GDPD1: variants seen among roughly 807,000 people sequenced by gnomAD.
The protein encoded by GDPD1 is lysophospholipase D GDPD1.
GDPD1 carries 28 observed loss-of-function variants against 45.1 expected under a neutral mutation model. The observed-to-expected ratio is 0.62, with a 90% CI of 0.46 to 0.85. The LOEUF (loss-of-function observed/expected upper bound fraction) is 0.85. Among genes scored for constraint, GDPD1 ranks in the 40% least tolerant of loss-of-function variants. The pLI is 0.00. For missense variants in GDPD1, 256 were observed against 364.8 expected, an observed-to-expected ratio of 0.70 and a Z score of 2.43; for synonymous variants, 139 against 131.4, an observed-to-expected ratio of 1.06 and a Z score of -0.40.
intron 1 of GDPD1, among the ~76,000 whole-genome samples, chr17:59,222,337 G>T (rs964380996): frequency 2.6e-4 from 40 of 151,604 alleles, no homozygotes; most frequent in African/African-American, 9.2e-4. Flanking sequence ...CTCCCGAGTA[G>T]CTGGGACTAC....
intron 1 of GDPD1, among the ~76,000 whole-genome samples, chr17:59,226,305 C>G (rs2047046968): frequency 6.6e-6 from 1 of 151,920 alleles, no homozygotes; most frequent in African/African-American, 2.4e-5. Flanking sequence ...GGCCAACTAG[C>G]CTCATCCAGT....
chr17:59,270,318 T>C (rs929166564), intron 7 of GDPD1, among the ~76,000 whole-genome samples: 1 of 151,724 alleles, frequency 6.6e-6, no homozygotes, highest in Non-Finnish European at 1.5e-5. Flanking sequence ...CTCCGGCTCC[T>C]GAGTAGCTGT....
At chr17:59,270,890 T>C (rs749914537) in intron 7 of GDPD1, 46 bp from the exon 8 acceptor site, 2 of 1,190,008 alleles carry the variant, frequency 1.7e-6, no homozygotes, top group South Asian at 1.3e-5. Context: ...CACACTGATA[T>C]ATTTCTGTGT....
At position 59,275,277 on chromosome 17, in the gene GDPD1, A is replaced by G. The variant is rs553255596; in HGVS notation, c.*1504A>G. On this transcript the variant is annotated 3_prime_UTR_variant, in exon 10 of 10. Coordinates refer to ENST00000284116, the MANE Select transcript of GDPD1 (RefSeq NM_182569.4). ...GATGTGTAGTTATTTGGCAAGTTAT[A>G]CATAATCAGCAGCAGCCAGGCTCAA... 122 of 1,175,324 alleles carry G rather than the reference A, an allele frequency of 1.0e-4. No individual in the cohort carries two copies. The highest frequency in any genetic ancestry group is 2.2e-4 in the Middle Eastern group (1 of 4,626). The allele number at this position is 1,175,324 out of a possible 1,614,324, so 72.8% of individuals were successfully genotyped here. A position where few individuals can be genotyped will look rare whatever the true frequency, so the allele number is the denominator to read the frequency against.
chr17:59,251,765 G>A (rs1474479231), intron 4 of GDPD1, among the ~76,000 whole-genome samples: 5 of 151,794 alleles, frequency 3.3e-5, no homozygotes, highest in African/African-American at 1.2e-4. Flanking sequence ...CAGCACTTTG[G>A]GAGGCTAAGG....
At position 59,245,550 on chromosome 17, in the gene GDPD1, G is replaced by A; in HGVS notation, c.321+1G>A. Reference sequence around the variant, plus strand: ...AAACATCTCTGATCTCAAATACTGTGTAAGTAAAAATGCATGATAAACTAA... The same window carrying A: ...AAACATCTCTGATCTCAAATACTGTATAAGTAAAAATGCATGATAAACTAA... On this transcript the variant is annotated splice_donor_variant, in intron 3 of 9. Coordinates refer to ENST00000284116, the MANE Select transcript of GDPD1 (RefSeq NM_182569.4). LOFTEE classifies it high-confidence loss of function. 1 of 1,598,252 alleles carries A rather than the reference G, an allele frequency of 6.3e-7. No individual in the cohort carries two copies. Among genetic ancestry groups the A allele is most frequent in the Non-Finnish European group, 8.5e-7 (1 of 1,173,254 alleles).
At chr17:59,246,146 A>G (rs1263986369) in intron 3 of GDPD1, among the ~76,000 whole-genome samples, 2 of 152,026 alleles carry the variant, frequency 1.3e-5, no homozygotes, top group African/African-American at 4.8e-5. Flanking sequence ...TATAACGTAT[A>G]TATTCATTAT....
At position 59,245,541 on chromosome 17, in the gene GDPD1, A is replaced by T; in HGVS notation, c.313A>T (p.Lys105Ter). The part of the protein sequence containing the change: ...TGVNVNISDL[K>*]YCELPPYLGK... ...GGTCAATGTAAACATCTCTGATCTC[A>T]AATACTGTGTAAGTAAAAATGCATG... The change falls in exon 3 of 10, where the codon AAA becomes TAA. Residue 105 changes from lysine to a stop codon, truncating the protein, a stop_gained. Coordinates refer to ENST00000284116, the MANE Select transcript of GDPD1 (RefSeq NM_182569.4). LOFTEE classifies it high-confidence loss of function. The T allele has an allele frequency of 6.2e-7, 1 of 1,604,640 alleles. No individual in the cohort carries two copies. The highest frequency in any genetic ancestry group is 8.5e-7 in the Non-Finnish European group (1 of 1,174,978).
At chr17:59,231,778 G>A (rs1379610283) in intron 1 of GDPD1, among the ~76,000 whole-genome samples, 1 of 151,810 alleles carries the variant, frequency 6.6e-6, no homozygotes, top group African/African-American at 2.4e-5. Context: ...GATGGTTCAG[G>A]GTACACAAAC....
rs1321111377 is a variant in GDPD1, at chr17:59,230,153, A to G, written c.143-4339A>G. Among the ~76,000 whole-genome samples the G allele has an allele frequency of 2.6e-5, 4 of 152,188 alleles. No individual in the cohort carries two copies. In the East Asian group the frequency reaches 7.7e-4, roughly 29 times the overall value. ...CTGGTGTAAGTGTGAAATACCTTAC[A>G]GAGGATATGGTATTAGAATGACCAC... On this transcript the variant is annotated intron_variant, in intron 1 of 9. Transcript: ENST00000284116.
chr17:59,260,842 C>G (rs1181164497), intron 6 of GDPD1: 1 of 152,130 alleles, frequency 6.6e-6, no homozygotes, highest in East Asian at 1.9e-4. Flanking sequence ...TTTGACTAGT[C>G]TTAAAAAACA....
chr17:59,226,357 C>T (rs2047047397), intron 1 of GDPD1, among the ~76,000 whole-genome samples: 1 of 151,818 alleles, frequency 6.6e-6, no homozygotes, highest in African/African-American at 2.4e-5. Flanking sequence ...AAAAAAAAAA[C>T]CTATACCCTT....
At chr17:59,251,253 T>G (rs1043124424) in intron 4 of GDPD1, among the ~76,000 whole-genome samples, 1 of 152,040 alleles carries the variant, frequency 6.6e-6, no homozygotes, top group Non-Finnish European at 1.5e-5. Flanking sequence ...GTGCAGTGGC[T>G]CACGCCTGTA....
At chr17:59,246,709 C>CA (rs749077536) in intron 3 of GDPD1, among the ~76,000 whole-genome samples, 674 of 27,042 alleles carry the variant, frequency 0.025, 49 homozygotes, top group African/African-American at 0.03. Context: ...GACTCCATCT[C>CA]AAAAAAAAAA....
chr17:59,263,616 TTAC>T (rs2047376495), intron 6 of GDPD1, among the ~76,000 whole-genome samples: 1 of 151,492 alleles, frequency 6.6e-6, no homozygotes, highest in African/African-American at 2.4e-5. Context: ...GTAGCTGGGA[TTAC>T]AGGCATGCAC....
At chr17:59,233,511 CAA>C (rs35485066) in intron 1 of GDPD1, among the ~76,000 whole-genome samples, 6 of 91,036 alleles carry the variant, frequency 6.6e-5, no homozygotes, top group Admixed American at 1.3e-4. Flanking sequence ...GACTCCGTCT[CAA>C]AAAAAAAAAA....
At chr17:59,261,786 A>G (rs1397843371) in intron 6 of GDPD1, among the ~76,000 whole-genome samples, 1 of 151,742 alleles carries the variant, frequency 6.6e-6, no homozygotes, top group Non-Finnish European at 1.5e-5. Context: ...GGTATGTACC[A>G]CCATGCCTGG....
Position 59,243,272 on chromosome 17 carries a change from G to A in GDPD1, c.186-2142G>A, listed in dbSNP as rs543021929. ...TGTAATCCCAGCATTTTGGGAGGCCGAAGAGGGTGGATCACCTGAGGTCAG... is the reference window on the plus strand; with the variant it reads ...TGTAATCCCAGCATTTTGGGAGGCCAAAGAGGGTGGATCACCTGAGGTCAG... On this transcript the variant is annotated intron_variant, in intron 2 of 9. Coordinates refer to ENST00000284116, the MANE Select transcript of GDPD1 (RefSeq NM_182569.4). Among the ~76,000 whole-genome samples, 377 of 150,882 alleles carry A rather than the reference G, an allele frequency of 2.5e-3. 2 individuals carry two copies. Among genetic ancestry groups the A allele is most frequent in the Non-Finnish European group, 4.6e-3 (309 of 67,748 alleles).
chr17:59,248,380 A>T (rs868190420), intron 3 of GDPD1, among the ~76,000 whole-genome samples: 2 of 152,078 alleles, frequency 1.3e-5, no homozygotes, highest in Non-Finnish European at 1.5e-5. Flanking sequence ...TGCTAATTAA[A>T]TTTTAATTAA....
Sources: gnomAD v4.1 joint callset for allele counts (sites outside exome capture counted in the v4.1 genomes callset) on GRCh38, gnomAD v4.1.1 for gene constraint, MANE v1.5 for transcripts, NCBI Gene and HGNC (gene_info 2026-07-23, HGNC 2026-07-21) for gene names.